Variants in MLH3 observed in about 807,000 individuals in gnomAD.
MLH3 encodes DNA mismatch repair protein Mlh3.
In MLH3, 82 loss-of-function variants were observed where a neutral mutation model predicts 122.2. The observed-to-expected ratio is 0.67, with a 90% confidence interval of 0.56 to 0.81. MLH3 has a LOEUF of 0.81. Among genes scored for constraint, MLH3 ranks in the 30% least tolerant of loss-of-function variants. MLH3 has a pLI of 0.00. For missense variants in MLH3, 1,539 were observed against 1,714.5 expected, an observed-to-expected ratio of 0.90 and a Z score of 1.81; for synonymous variants, 524 against 599.5, an observed-to-expected ratio of 0.87 and a Z score of 1.84.
At chr14:75,034,070 G>A (rs1891224965) in intron 6 of MLH3, among the ~76,000 whole-genome samples, 1 of 151,996 alleles carries the variant, frequency 6.6e-6, no homozygotes, top group Non-Finnish European at 1.5e-5. Context: ...GCACGCGCCT[G>A]TAGTTCCAGC....
At chr14:75,019,668 A>G (rs1168763115) in intron 11 of MLH3, among the ~76,000 whole-genome samples, 1 of 152,154 alleles carries the variant, frequency 6.6e-6, no homozygotes, top group Non-Finnish European at 1.5e-5. Flanking sequence ...TGGATCGTCC[A>G]ATAGCAATCT....
At chr14:75,028,416 AT>A (rs34129769) in intron 9 of MLH3, among the ~76,000 whole-genome samples, 50,326 of 127,998 alleles carry the variant, frequency 0.39, 8,368 homozygotes, top group Middle Eastern at 0.47. Context: ...TTTCCCCCCA[AT>A]TTTTTTTTTT....
chr14:75,033,293 G>C, intron 7 of MLH3, 126 bp downstream of exon 7: 3 of 772,930 alleles, frequency 3.9e-6, no homozygotes, highest in Non-Finnish European at 6.8e-6. Flanking sequence ...CAGGACTTTA[G>C]TTTAATTTTT....
At position 75,032,128 on chromosome 14, in the gene MLH3, G is replaced by C; in HGVS notation, c.3767C>G (p.Ser1256Cys). 6.2e-7 allele frequency: 1 copy of C among 1,614,040 alleles called. No homozygotes were observed. Among genetic ancestry groups the C allele is most frequent in the South Asian group, 1.1e-5 (1 of 91,080 alleles). ...CTCTAGCGGAGGAATTAGAGTAGAA[G>C]ACAGTAATTTTTTCCGACCAGAGCC... ...AQGSGRKKLL[S>C]STLIPPLEIT... is the part of the protein sequence containing the mutation. The change falls in exon 8 of 13, where the codon TCT becomes TGT. Residue 1256 changes from serine (S) to cysteine (C), a missense_variant. Physicochemically the swap from Ser to Cys is moderately radical, Grantham distance 112 (BLOSUM62 -1). Coordinates refer to ENST00000355774, the MANE Select transcript of MLH3 (RefSeq NM_001040108.2).
Position 75,047,393 on chromosome 14 carries a change from C to G in MLH3, c.2263G>C (p.Glu755Gln), listed in dbSNP as rs1355406319. Residue 755 changes from glutamate (E) to glutamine (Q), a missense_variant, in exon 2 of 13, where the codon GAG (glutamate) becomes CAG (glutamine). By Grantham distance (29) the Glu-to-Gln change is conservative. Coordinates refer to ENST00000355774, the MANE Select transcript of MLH3 (RefSeq NM_001040108.2). ...LSLSSQLGSL[E>Q]KFKRQYGKVE... Reference sequence around the variant, plus strand: ...TTCCCATATTGCCTCTTAAACTTCTCTAAAGATCCTAGCTGTGAACTCAAG... The same window carrying G: ...TTCCCATATTGCCTCTTAAACTTCTGTAAAGATCCTAGCTGTGAACTCAAG... The G allele has an allele frequency of 1.9e-6, 3 of 1,614,128 alleles. 1 individual carries two copies. In the South Asian group the frequency reaches 3.3e-5, roughly 18 times the overall value.
At position 75,046,560 on chromosome 14, in the gene MLH3, A is replaced by C. The variant is rs1246998650; in HGVS notation, c.3096T>G (p.Ser1032=). 1 of 1,614,106 alleles carries C rather than the reference A, an allele frequency of 6.2e-7. No homozygotes were observed. The highest frequency in any genetic ancestry group is 8.5e-7 in the Non-Finnish European group (1 of 1,180,034). The change falls in exon 2 of 13, where the codon TCT becomes TCG. Residue 1032 remains serine, a synonymous_variant. Coordinates refer to ENST00000355774, the MANE Select transcript of MLH3 (RefSeq NM_001040108.2). The stretch of plus-strand genomic sequence containing the variant: ...AACACGTGTTTGACTCTTCAGTTTC[A>C]GAACAAGCTCTTGCTTTAGATTCCT... ...QSEESKARAC[S]ETEESNTCCS...
intron 9 of MLH3, among the ~76,000 whole-genome samples, chr14:75,025,363 T>A (rs1158224024): frequency 6.6e-6 from 1 of 152,230 alleles, no homozygotes; most frequent in East Asian, 1.9e-4. Flanking sequence ...CTCATGACAG[T>A]CAAGTCCAGC....
At chr14:75,042,982 T>C (rs1891973502) in intron 2 of MLH3, among the ~76,000 whole-genome samples, 1 of 152,148 alleles carries the variant, frequency 6.6e-6, no homozygotes, top group Non-Finnish European at 1.5e-5. Flanking sequence ...TTCACCATAT[T>C]GGCCGGGCTG....
At chr14:75,032,201 G>A (rs1416000418) in intron 7 of MLH3, 22 bp from the exon 8 acceptor site, 2 of 1,415,578 alleles carry the variant, frequency 1.4e-6, no homozygotes, top group South Asian at 1.1e-5. Flanking sequence ...AAGATGAATG[G>A]GTTAAGAGTA....
rs1190155757 is a variant in MLH3, at chr14:75,016,452, A to AT, written c.*629dup. On this transcript the variant is annotated 3_prime_UTR_variant, in exon 13 of 13. Transcript: ENST00000355774. ...CAAAAAACCCGGAACAGGACTTTAA[A>AT]TTTTCTCTGTTCTATCCTTGTCCTT... 11 of 190,790 alleles carry AT rather than the reference A, an allele frequency of 5.8e-5. No individual in the cohort carries two copies. The allele number at this position is 190,790 out of a possible 1,614,324, so 11.8% of individuals were successfully genotyped here.
intron 9 of MLH3, among the ~76,000 whole-genome samples, chr14:75,027,007 G>A (rs1162594468): frequency 6.6e-6 from 1 of 152,008 alleles, no homozygotes; most frequent in Non-Finnish European, 1.5e-5. Context: ...GCTTAGGCAG[G>A]AGAATCGCTT....
Position 75,032,115 on chromosome 14 carries a change from A to G in MLH3, c.3780T>C (p.Ile1260=), listed in dbSNP as rs1166206025. The part of the protein sequence containing the change: ...GRKKLLSSTL[I]PPLEITVTEE... ...CTGTCACTGTTATCTCTAGCGGAGGAATTAGAGTAGAAGACAGTAATTTTT... is the reference window on the plus strand; with the variant it reads ...CTGTCACTGTTATCTCTAGCGGAGGGATTAGAGTAGAAGACAGTAATTTTT... The change falls in exon 8 of 13, where the codon ATT becomes ATC. Residue 1260 remains isoleucine, a synonymous_variant. Coordinates refer to ENST00000355774, the MANE Select transcript of MLH3 (RefSeq NM_001040108.2). The G allele has an allele frequency of 6.2e-7, 1 of 1,613,924 alleles. No individual in the cohort carries two copies. Among genetic ancestry groups the G allele is most frequent in the Non-Finnish European group, 8.5e-7 (1 of 1,179,842 alleles).
chr14:75,024,030 T>C (rs908870659), intron 9 of MLH3, among the ~76,000 whole-genome samples: 4 of 152,186 alleles, frequency 2.6e-5, no homozygotes, highest in Admixed American at 6.5e-5. Context: ...AAGCTTAGTG[T>C]GGATGGAGAG....
At position 75,047,529 on chromosome 14, in the gene MLH3, T is replaced by C. The variant is rs1465514568; in HGVS notation, c.2127A>G (p.Ile709Met). The C allele has an allele frequency of 6.2e-7, 1 of 1,613,998 alleles. No homozygotes were observed. Among genetic ancestry groups the C allele is most frequent in the Non-Finnish European group, 8.5e-7 (1 of 1,179,976 alleles). ...EGSKKSQTDCILSDTSPSFPW... is the reference protein window; with the variant it reads ...EGSKKSQTDCMLSDTSPSFPW... ...GGAAAGAGGGGGATGTATCAGATAA[T>C]ATGCAATCTGTTTGTGATTTTTTGC... The change falls in exon 2 of 13, where the codon ATA (isoleucine) becomes ATG (methionine). Residue 709 changes from isoleucine (I) to methionine (M), a missense_variant. Coordinates refer to ENST00000355774, the MANE Select transcript of MLH3 (RefSeq NM_001040108.2).
chr14:75,044,124 A>C (rs972422646), intron 2 of MLH3, among the ~76,000 whole-genome samples: 3 of 152,162 alleles, frequency 2.0e-5, no homozygotes, highest in Non-Finnish European at 2.9e-5. Context: ...AATTTATTTC[A>C]TGTAACACTT....
At chr14:75,039,866 T>TATATATAC (rs1166610173) in intron 5 of MLH3, 45 bp downstream of exon 5, 4 of 371,502 alleles carry the variant, frequency 1.1e-5, no homozygotes, top group Non-Finnish European at 1.9e-5. Context: ...TATATATATA[T>TATATATAC]ATATATATAT....
At chr14:75,030,762 T>G in intron 8 of MLH3, 60 bp from the exon 9 acceptor site, 4 of 1,431,782 alleles carry the variant, frequency 2.8e-6, no homozygotes, top group Non-Finnish European at 3.9e-6. Flanking sequence ...TGCACTTCAC[T>G]ACTGGTTCCA....
chr14:75,026,431 C>T (rs189696744), intron 9 of MLH3, among the ~76,000 whole-genome samples: 1 of 152,182 alleles, frequency 6.6e-6, no homozygotes, highest in African/African-American at 2.4e-5. Flanking sequence ...TGAAGAGATA[C>T]TTTAGTTCAC....
Position 75,016,798 on chromosome 14 carries a change from A to G in MLH3, c.*284T>C, listed in dbSNP as rs545011417. The G allele has an allele frequency of 4.1e-5, 15 of 368,434 alleles. No individual in the cohort carries two copies. In the South Asian group the frequency reaches 4.5e-4, roughly 11 times the overall value. 22.8% of individuals were successfully genotyped at this position (368,434 alleles called of 1,614,324 possible). A position where few individuals can be genotyped will look rare whatever the true frequency, so the allele number is the denominator to read the frequency against. On this transcript the variant is annotated 3_prime_UTR_variant, in exon 13 of 13. Coordinates refer to ENST00000355774, the MANE Select transcript of MLH3 (RefSeq NM_001040108.2). ...AAGCAACCAATCAAACTGTCATTAA[A>G]TTTTATCATTAAATAAGTAGCAAAA...
Sources: allele counts gnomAD v4.1 joint callset (sites outside exome capture counted in the v4.1 genomes callset), GRCh38; gene constraint gnomAD v4.1.1; transcripts MANE v1.5; gene names NCBI Gene and HGNC (gene_info 2026-07-23, HGNC 2026-07-21).